BEND7: variants seen among roughly 807,000 people sequenced by gnomAD.
BEND7 encodes the protein BEN domain containing 7.
Under a neutral mutation model 50.9 loss-of-function variants are expected in BEND7, and 28 were observed. The ratio of observed to expected loss-of-function variants is 0.55; its 90% confidence interval spans 0.41 to 0.75. BEND7 has a LOEUF of 0.75. BEND7 is among the 30% of genes least tolerant of loss of function. The pLI is 0.00. For synonymous variants in BEND7, 170 were observed against 183.9 expected, an observed-to-expected ratio of 0.92 and a Z score of 0.61; for missense variants, 477 against 491.3, an observed-to-expected ratio of 0.97 and a Z score of 0.28.
At chr10:13,528,147 C>G (rs2079548776) in intron 1 of BEND7, among the ~76,000 whole-genome samples, 1 of 152,176 alleles carries the variant, frequency 6.6e-6, no homozygotes, top group African/African-American at 2.4e-5. Context: ...CACGCTCGGC[C>G]TGATGGCCAG....
At chr10:13,526,519 G>C (rs1288926403) in intron 1 of BEND7, among the ~76,000 whole-genome samples, 1 of 151,978 alleles carries the variant, frequency 6.6e-6, no homozygotes, top group Non-Finnish European at 1.5e-5. Flanking sequence ...TTTTCTTTGA[G>C]GTGGCAAGTA....
chr10:13,508,918 C>A (rs1387778095), intron 2 of BEND7, among the ~76,000 whole-genome samples: 1 of 152,194 alleles, frequency 6.6e-6, no homozygotes, highest in African/African-American at 2.4e-5. Context: ...AGCCAGGGGA[C>A]AGGAGCACTT....
chr10:13,466,308 TC>T (rs2074244979), intron 6 of BEND7, among the ~76,000 whole-genome samples: 1 of 151,942 alleles, frequency 6.6e-6, no homozygotes, highest in South Asian at 2.1e-4. Flanking sequence ...ATGCCTGTAA[TC>T]CCAGCACTTT....
chr10:13,504,191 C>G (rs1171666431), intron 2 of BEND7, among the ~76,000 whole-genome samples: 1 of 152,138 alleles, frequency 6.6e-6, no homozygotes, highest in Non-Finnish European at 1.5e-5. Flanking sequence ...CAGGCCGAGC[C>G]GTAGAAGCTC....
chr10:13,486,683 T>C (rs1211375123), intron 5 of BEND7, among the ~76,000 whole-genome samples: 3 of 152,244 alleles, frequency 2.0e-5, no homozygotes, highest in Admixed American at 6.5e-5. Flanking sequence ...ACATTTTTAG[T>C]TGACAATATT....
chr10:13,499,818 T>C lies in BEND7; in HGVS notation c.408A>G (p.Arg136=), dbSNP rs775543524. Residue 136 remains arginine (R), a synonymous_variant, in exon 3 of 9, where the codon AGA becomes AGG. Coordinates refer to ENST00000466271, the MANE Select transcript of BEND7 (RefSeq NM_001369863.1). ...QFSGQYGTRS[R]TFQSQPHPTT... ...TAGGGTGGGGCTGGCTTTGGAAGGT[T>C]CTAGAACGGGTGCCATACTGCCCTG... 2 of 1,613,804 alleles carry C rather than the reference T, an allele frequency of 1.2e-6. No homozygotes were observed. Among genetic ancestry groups the C allele is most frequent in the Non-Finnish European group, 8.5e-7 (1 of 1,179,756 alleles).
intron 2 of BEND7, among the ~76,000 whole-genome samples, chr10:13,520,036 G>A (rs1320492104): frequency 1.3e-5 from 2 of 152,188 alleles, no homozygotes; most frequent in Non-Finnish European, 2.9e-5. Context: ...GAAAGAGAGA[G>A]GAGAGCGGGG....
intron 6 of BEND7, among the ~76,000 whole-genome samples, chr10:13,460,570 A>G (rs932218928): frequency 2.1e-4 from 32 of 152,248 alleles, no homozygotes; most frequent in Non-Finnish European, 2.6e-4. Flanking sequence ...CGCGTCCTCA[A>G]TGGCATATGA....
At position 13,499,927 on chromosome 10, in the gene BEND7, T is replaced by C; in HGVS notation, c.299A>G (p.Asn100Ser). 5.6e-6 allele frequency: 9 copies of C among 1,613,850 alleles called. No individual in the cohort carries two copies. The highest frequency in any genetic ancestry group is 7.6e-6 in the Non-Finnish European group (9 of 1,179,944). The change falls in exon 3 of 9, where the codon AAC becomes AGC. Residue 100 changes from asparagine (N) to serine (S), a missense_variant. By Grantham distance (46) the Asn-to-Ser change is conservative. This residue lies in a region of BEND7 where 396 missense variants were observed against 384.2 expected (regional missense o/e 1.03). Transcript: ENST00000466271. ...DLDLVWPPRL[N>S]SSAEAPQSLH... is the part of the protein sequence containing the mutation. Reference sequence around the variant, plus strand: ...GCTTTGCGGGGCCTCAGCAGAGGAGTTCAAACGTGGAGGCCAGACTAAATC... The same window carrying C: ...GCTTTGCGGGGCCTCAGCAGAGGAGCTCAAACGTGGAGGCCAGACTAAATC...
At chr10:13,473,414 G>A (rs374839051) in intron 6 of BEND7, among the ~76,000 whole-genome samples, 34 of 150,878 alleles carry the variant, frequency 2.3e-4, no homozygotes, top group African/African-American at 8.0e-4. Context: ...TGTTGGACTC[G>A]GGGCCGACAT....
intron 6 of BEND7, among the ~76,000 whole-genome samples, chr10:13,455,871 T>C (rs201769505): frequency 4.0e-5 from 6 of 151,760 alleles, no homozygotes; most frequent in Non-Finnish European, 7.4e-5. Context: ...CTGAGAAGAA[T>C]TGGAGAGGAA....
rs529461234 is a variant in BEND7, at chr10:13,472,983, G to A, written c.1063+7916C>T. 1.3e-4 allele frequency among the ~76,000 whole-genome samples: 19 copies of A among 151,816 alleles called. No individual in the cohort carries two copies. The South Asian group carries it at 1.7e-3, about 13-fold the overall frequency. On this transcript the variant is annotated intron_variant, in intron 6 of 8. Transcript: ENST00000466271. ...GATACCCGTCATTGCTCTTAGACTC[G>A]GGGTTGATACTCGTCATCGCTGTTA...
intron 2 of BEND7, among the ~76,000 whole-genome samples, chr10:13,512,355 T>A (rs1370035640): frequency 6.6e-6 from 1 of 152,118 alleles, no homozygotes; most frequent in Non-Finnish European, 1.5e-5. Context: ...AAAAGCGAAA[T>A]AAAAGTCTGT....
chr10:13,499,895 G>A lies in BEND7; in HGVS notation c.331C>T (p.Pro111Ser). The A allele has an allele frequency of 1.9e-6, 3 of 1,614,168 alleles. No homozygotes were observed. The highest frequency in any genetic ancestry group is 2.5e-6 in the Non-Finnish European group (3 of 1,180,028). The change falls in exon 3 of 9, where the codon CCG becomes TCG. Residue 111 changes from proline to serine, a missense_variant. Transcript: ENST00000466271. ...TCATTCCACACACCACGTGAAGACG[G>A]GTGGAGGCTTTGCGGGGCCTCAGCA... ...SSAEAPQSLH[P>S]SSRGVWNELP...
chr10:13,446,159 A>G (rs919638185), intron 8 of BEND7: 5 of 152,242 alleles, frequency 3.3e-5, no homozygotes, highest in African/African-American at 1.2e-4. Context: ...TTTTTGCACT[A>G]TGTAGCTCAT....
chr10:13,469,796 G>A (rs569585260), intron 6 of BEND7, among the ~76,000 whole-genome samples: 26 of 152,184 alleles, frequency 1.7e-4, no homozygotes, highest in African/African-American at 6.3e-4. Flanking sequence ...ATTTTTAAGG[G>A]GTTTTCTTAT....
intron 2 of BEND7, among the ~76,000 whole-genome samples, chr10:13,504,281 G>A (rs906906710): frequency 2.6e-5 from 4 of 152,090 alleles, no homozygotes; most frequent in African/African-American, 7.2e-5. Context: ...TCCTAACTAC[G>A]CCCACCTGCT....
chr10:13,449,227 ATTT>A (rs1406552812), intron 7 of BEND7, among the ~76,000 whole-genome samples: 1 of 152,226 alleles, frequency 6.6e-6, no homozygotes, highest in African/African-American at 2.4e-5. Flanking sequence ...AGAAGACATT[ATTT>A]TCTTCTAATT....
In BEND7 at chr10:13,453,657, A is replaced by G. The variant is rs1838296430; in HGVS notation, c.1064-999T>C. Among the ~76,000 whole-genome samples, 3 of 152,206 alleles carry G rather than the reference A, an allele frequency of 2.0e-5. No individual in the cohort carries two copies. The South Asian group carries it at 6.2e-4, about 32-fold the overall frequency. On this transcript the variant is annotated intron_variant, in intron 6 of 8. Coordinates refer to ENST00000466271, the MANE Select transcript of BEND7 (RefSeq NM_001369863.1). The stretch of plus-strand genomic sequence containing the variant: ...TAAAAGAGTAACTTCAAAAGTCCCC[A>G]TAGATAAATGGGCAAAAAATATTAG...
Sources: allele counts gnomAD v4.1 joint callset (sites outside exome capture counted in the v4.1 genomes callset), GRCh38; gene constraint gnomAD v4.1.1; regional missense constraint gnomAD v4.1.1; transcripts MANE v1.5; gene names NCBI Gene and HGNC (gene_info 2026-07-23, HGNC 2026-07-21).